ABCB7: variants seen among roughly 807,000 people sequenced by gnomAD.
The protein encoded by ABCB7 is iron-sulfur clusters transporter ABCB7, mitochondrial.
Under a neutral mutation model 54.4 loss-of-function variants are expected in ABCB7, and 7 were observed. The observed-to-expected ratio is 0.13, with a 90% CI of 0.07 to 0.24. The LOEUF is 0.24. Among genes scored for constraint, ABCB7 ranks in the 10% least tolerant of loss-of-function variants. The pLI, the probability that ABCB7 is intolerant of heterozygous loss-of-function variation, is 1.00. For synonymous variants in ABCB7, 218 were observed against 207.1 expected, an observed-to-expected ratio of 1.05 and a Z score of -0.45; for missense variants, 356 against 570.4, an observed-to-expected ratio of 0.62 and a Z score of 3.83.
chrX:75,077,932 G>A (rs998466626), intron 4 of ABCB7, among the ~76,000 whole-genome samples: 53 of 65,761 alleles, frequency 8.1e-4, no homozygotes, highest in Non-Finnish European at 1.3e-3. Context: ...TTTTTTTTTT[G>A]AGATGGAGTC....
At chrX:75,146,111 G>A (rs2082088827) in intron 1 of ABCB7, among the ~76,000 whole-genome samples, 2 of 110,805 alleles carry the variant, frequency 1.8e-5, no homozygotes, top group African/African-American at 6.6e-5. Context: ...CTATAAGGAG[G>A]TGAAAGATCT....
chrX:75,071,436 G>T, intron 9 of ABCB7, 73 bp downstream of exon 9: 1 of 1,090,909 alleles, frequency 9.2e-7, no homozygotes, highest in Non-Finnish European at 1.3e-6. Flanking sequence ...AGATAAGCAT[G>T]CACATTCCTT....
chrX:75,124,326 G>A (rs1383438317), intron 1 of ABCB7, among the ~76,000 whole-genome samples: 1 of 111,715 alleles, frequency 9.0e-6, no homozygotes, highest in Non-Finnish European at 1.9e-5. Context: ...CCAACAGCAA[G>A]GCCTATTTAA....
chrX:75,076,799 GACA>G, intron 4 of ABCB7, 145 bp from the exon 5 acceptor site: 1 of 678,573 alleles, frequency 1.5e-6, no homozygotes, highest in Non-Finnish European at 2.2e-6. Flanking sequence ...CATTCATAAA[GACA>G]ACATCTTTGA....
chrX:75,132,531 T>A (rs1009373283), intron 1 of ABCB7, among the ~76,000 whole-genome samples: 1 of 112,503 alleles, frequency 8.9e-6, no homozygotes, highest in Non-Finnish European at 1.9e-5. Flanking sequence ...CCCAGACTTG[T>A]GGAGCACAGC....
chrX:75,055,957 T>C (rs1480796042), intron 15 of ABCB7, among the ~76,000 whole-genome samples: 1 of 110,685 alleles, frequency 9.0e-6, no homozygotes, highest in Admixed American at 9.6e-5. Context: ...AAAGTGCTGT[T>C]ATTACCAGCA....
chrX:75,135,561 T>C (rs1486928184), intron 1 of ABCB7, among the ~76,000 whole-genome samples: 1 of 111,519 alleles, frequency 9.0e-6, no homozygotes, highest in Non-Finnish European at 1.9e-5. Context: ...CCGACCAACA[T>C]AGATTTAAAA....
At chrX:75,104,047 G>GTTTTTTTGTTTTTTTTTTT (rs2081663659) in intron 3 of ABCB7, among the ~76,000 whole-genome samples, 18 of 13,444 alleles carry the variant, frequency 1.3e-3, no homozygotes, top group East Asian at 7.2e-3. Context: ...TCTTGTTACA[G>GTTTTTTTGTTTTTTTTTTT]TTTTTTTTTT....
At chrX:75,143,720 T>C (rs780652651) in intron 1 of ABCB7, among the ~76,000 whole-genome samples, 8 of 111,051 alleles carry the variant, frequency 7.2e-5, no homozygotes, top group African/African-American at 2.6e-4. Flanking sequence ...ACATTGATGA[T>C]GGTAGGCAAA....
intron 1 of ABCB7, among the ~76,000 whole-genome samples, chrX:75,135,529 A>G (rs1015469645): frequency 1.8e-5 from 2 of 111,658 alleles, no homozygotes; most frequent in Admixed American, 1.9e-4. Context: ...ACAACAAAAA[A>G]GAAAACTTCA....
intron 4 of ABCB7, among the ~76,000 whole-genome samples, chrX:75,078,386 T>A (rs1452509006): frequency 8.9e-6 from 1 of 111,887 alleles, no homozygotes. Context: ...ATTCATTTTG[T>A]ATGTATATAT....
chrX:75,071,533 G>C lies in ABCB7; in HGVS notation c.1183C>G (p.Leu395Val). 1 of 1,211,312 alleles carries C rather than the reference G, an allele frequency of 8.3e-7. No homozygotes were observed. ...FSVGLTAIMV[L>V]ASQGIVAGTL... ...CCTGCCACAATTCCCTGACTGGCGA[G>C]CACCATTATAGCTGTTAAACCGACA... The change falls in exon 9 of 16, where the codon CTC becomes GTC. Residue 395 changes from leucine to valine, a missense_variant. Around this residue, in one of 2 missense-constraint regions of ABCB7, gnomAD observed 241 missense variants for 470.9 expected, o/e 0.51. Coordinates refer to ENST00000373394, the MANE Select transcript of ABCB7 (RefSeq NM_001271696.3).
chrX:75,068,290 A>C (rs2081337844), intron 12 of ABCB7, among the ~76,000 whole-genome samples: 1 of 111,613 alleles, frequency 9.0e-6, no homozygotes. Flanking sequence ...TGGCTCCAGA[A>C]ATCAACTTTA....
chrX:75,095,639 A>G (rs1258948702), intron 4 of ABCB7, among the ~76,000 whole-genome samples: 1 of 112,303 alleles, frequency 8.9e-6, no homozygotes, highest in African/African-American at 3.2e-5. Context: ...ATATGCTTTG[A>G]AAGTACTAGC....
intron 1 of ABCB7, among the ~76,000 whole-genome samples, chrX:75,118,928 G>A (rs2081848616): frequency 9.0e-6 from 1 of 111,494 alleles, no homozygotes; most frequent in Non-Finnish European, 1.9e-5. Flanking sequence ...CCTTCCAGCT[G>A]TGCCTGCTTA....
chrX:75,069,031 C>T lies in ABCB7; in HGVS notation c.1635G>A (p.Arg545=), dbSNP rs760772131. The T allele has an allele frequency of 8.3e-7, 1 of 1,211,036 alleles. No individual in the cohort carries two copies. The highest frequency in any genetic ancestry group is 1.1e-6 in the Non-Finnish European group (1 of 894,991). Residue 545 remains arginine, a synonymous_variant, in exon 12 of 16, where the codon CGG becomes CGA. Transcript: ENST00000373394. ...NIQDVSLESL[R]RAVGVVPQDA... is the part of the protein sequence containing the mutation. ...CCTGAGGTACCACTCCCACTGCCCT[C>T]CGAAGGCTTTCCAGGCTCACATCTT...
chrX:75,153,752 G>GTATATA lies in ABCB7; in HGVS notation c.168+2352_168+2353insTATATA, dbSNP rs1211276938. ...ACTGTGTGTGTGTGTGTGTGCGTGT[G>GTATATA]TGTGTGTGTATATATATATATAAAA... On this transcript the variant is annotated intron_variant, in intron 1 of 15. Coordinates refer to ENST00000373394, the MANE Select transcript of ABCB7 (RefSeq NM_001271696.3). 6.4e-4 allele frequency among the ~76,000 whole-genome samples: 6 copies of GTATATA among 9,381 alleles called. No homozygotes were observed. In the Non-Finnish European group the frequency reaches 0.032, roughly 51 times the overall value. 8.1% of individuals were successfully genotyped at this position (9,381 alleles called of 115,157 possible).
intron 1 of ABCB7, among the ~76,000 whole-genome samples, chrX:75,143,636 T>C (rs1232047844): frequency 9.0e-6 from 1 of 111,419 alleles, no homozygotes; most frequent in East Asian, 2.8e-4. Context: ...AGAGGTTTAA[T>C]GGACTTACAG....
chrX:75,123,350 G>C (rs1490781710), intron 1 of ABCB7, among the ~76,000 whole-genome samples: 1 of 111,522 alleles, frequency 9.0e-6, no homozygotes, highest in Non-Finnish European at 1.9e-5. Flanking sequence ...ATATGGATGG[G>C]TTTATTTCTG....
Sources: allele counts gnomAD v4.1 joint callset (sites outside exome capture counted in the v4.1 genomes callset), GRCh38; gene constraint gnomAD v4.1.1; regional missense constraint gnomAD v4.1.1; transcripts MANE v1.5; gene names NCBI Gene and HGNC (gene_info 2026-07-23, HGNC 2026-07-21).